Variants in MSRA observed in about 807,000 individuals in gnomAD.
MSRA encodes mitochondrial peptide methionine sulfoxide reductase.
A neutral mutation model predicts 31.3 loss-of-function variants in MSRA; 54 were observed. The observed-to-expected ratio is 1.73, with a 90% confidence interval of 1.39 to 2.17. The LOEUF is 2.17. Ranked by LOEUF, MSRA falls within the 30% of genes most tolerant of loss-of-function variation. The pLI is 0.00. For synonymous variants in MSRA, 169 were observed against 116.5 expected (o/e 1.45, Z -2.90); for missense variants, 507 against 300.9 (o/e 1.69, Z -5.07).
intron 1 of MSRA, among the ~76,000 whole-genome samples, chr8:10,152,199 A>G (rs568299587): frequency 7.2e-5 from 11 of 152,340 alleles, no homozygotes; most frequent in African/African-American, 2.2e-4. Flanking sequence ...TAGACAGAGA[A>G]CAAAACTGTC....
chr8:10,323,536 C>G (rs1802177967), intron 5 of MSRA, among the ~76,000 whole-genome samples: 1 of 152,164 alleles, frequency 6.6e-6, no homozygotes. Flanking sequence ...ATTGTAGTTT[C>G]TACCCTCAGT....
At chr8:10,161,114 C>G (rs1804603282) in intron 1 of MSRA, among the ~76,000 whole-genome samples, 1 of 152,198 alleles carries the variant, frequency 6.6e-6, no homozygotes, top group African/African-American at 2.4e-5. Flanking sequence ...TATCCACTTT[C>G]TAAATACGGT....
At chr8:10,116,368 A>T (rs1800678017) in intron 1 of MSRA, among the ~76,000 whole-genome samples, 1 of 152,344 alleles carries the variant, frequency 6.6e-6, no homozygotes, top group Non-Finnish European at 1.5e-5. Context: ...CACCCCCTGG[A>T]CTATAGTATT....
At chr8:10,058,737 A>G (rs1020675350) in intron 1 of MSRA, among the ~76,000 whole-genome samples, 1 of 152,222 alleles carries the variant, frequency 6.6e-6, no homozygotes. Context: ...ACAGCCTAGT[A>G]CCTTTTACAG....
At chr8:10,389,678 C>G (rs1563424578) in intron 5 of MSRA, among the ~76,000 whole-genome samples, 1 of 151,618 alleles carries the variant, frequency 6.6e-6, no homozygotes, top group African/African-American at 2.4e-5. Context: ...CATCCTCTCT[C>G]CAGTCCTGCC....
intron 5 of MSRA, among the ~76,000 whole-genome samples, chr8:10,322,994 G>A (rs955334253): frequency 7.3e-5 from 11 of 150,780 alleles, no homozygotes; most frequent in South Asian, 6.3e-4. Flanking sequence ...GGAGGCTGAG[G>A]CAGGAGAAAT....
rs576902283 is a variant in MSRA at position 10,184,741 on chromosome 8, A to G, written c.143-23092A>G. Among the ~76,000 whole-genome samples, 16 of 152,314 alleles carry G rather than the reference A, an allele frequency of 1.1e-4. No homozygotes were observed. In the South Asian group the frequency reaches 3.3e-3, roughly 32 times the overall value. On this transcript the variant is annotated intron_variant, in intron 1 of 5. Coordinates refer to ENST00000317173, the MANE Select transcript of MSRA (RefSeq NM_012331.5). ...GGCATGACCTAAATTTGGTGGATGA[A>G]GAGATCTAGATTCAGAAAAGTTAGT...
intron 5 of MSRA, chr8:10,353,884 CAAAA>C (rs1425467536): frequency 4.4e-6 from 1 of 224,782 alleles, no homozygotes; most frequent in Non-Finnish European, 8.9e-6. Flanking sequence ...AATATGAAGA[CAAAA>C]AGATGAAGGA....
chr8:10,320,592 C>G (rs1213038239), intron 5 of MSRA, among the ~76,000 whole-genome samples: 1 of 152,202 alleles, frequency 6.6e-6, no homozygotes, highest in Non-Finnish European at 1.5e-5. Flanking sequence ...GTCTGAAACT[C>G]TCTCTTTTTT....
chr8:10,118,033 A>T (rs1020445371), intron 1 of MSRA, among the ~76,000 whole-genome samples: 4 of 152,234 alleles, frequency 2.6e-5, no homozygotes, highest in Non-Finnish European at 5.9e-5. Context: ...CAGACACCAA[A>T]TCAAAGGTGT....
intron 5 of MSRA, among the ~76,000 whole-genome samples, chr8:10,328,027 A>ATTTTTTTTTTTTTTTTTTTTTT (rs35940076): frequency 1.5e-5 from 1 of 65,334 alleles, no homozygotes; most frequent in African/African-American, 7.1e-5. Flanking sequence ...CTCTATGGTA[A>ATTTTTTTTTTTTTTTTTTTTTT]TTTTTTTTTT....
chr8:10,403,227 C>G (rs1038833062), intron 5 of MSRA, among the ~76,000 whole-genome samples: 1 of 152,240 alleles, frequency 6.6e-6, no homozygotes, highest in African/African-American at 2.4e-5. Context: ...AACGAAACAG[C>G]TTTCAGCAGA....
At position 10,061,459 on chromosome 8, in the gene MSRA, A is replaced by T. The variant is rs578154657; in HGVS notation, c.142+6801A>T. 1.4e-4 allele frequency among the ~76,000 whole-genome samples: 22 copies of T among 152,172 alleles called. 1 individual carries two copies. The South Asian group carries it at 4.4e-3, about 30-fold the overall frequency. ...CTTCTTCTCTACTGGACAAATAGCT[A>T]TGTACTACTTTATGAATCCTTTCTA... is the stretch of plus-strand genomic sequence containing the variant. On this transcript the variant is annotated intron_variant, in intron 1 of 5. Transcript: ENST00000317173.
chr8:10,251,417 C>G (rs1041024967), intron 3 of MSRA, among the ~76,000 whole-genome samples: 1 of 152,132 alleles, frequency 6.6e-6, no homozygotes, highest in Non-Finnish European at 1.5e-5. Context: ...TTATTGTACT[C>G]ATTTCAATGT....
intron 1 of MSRA, among the ~76,000 whole-genome samples, chr8:10,179,014 C>G (rs185000352): frequency 2.0e-5 from 3 of 152,256 alleles, no homozygotes; most frequent in Non-Finnish European, 1.5e-5. Context: ...TTCTGATGCT[C>G]TGTTGATTCG....
intron 1 of MSRA, among the ~76,000 whole-genome samples, chr8:10,131,301 C>T (rs528013471): frequency 5.9e-5 from 9 of 152,266 alleles, no homozygotes; most frequent in Non-Finnish European, 4.4e-5. Flanking sequence ...AATTTCGCCA[C>T]AGAAGAAATT....
chr8:10,284,577 T>G (rs946028482), intron 3 of MSRA, among the ~76,000 whole-genome samples: 1 of 152,202 alleles, frequency 6.6e-6, no homozygotes, highest in African/African-American at 2.4e-5. Flanking sequence ...TGCCAAACAT[T>G]GGATTCATGT....
chr8:10,060,545 T>G (rs1802654415), intron 1 of MSRA, among the ~76,000 whole-genome samples: 1 of 152,220 alleles, frequency 6.6e-6, no homozygotes, highest in African/African-American at 2.4e-5. Context: ...ACTGCATTTG[T>G]GAATTACATA....
At chr8:10,400,359 C>CTGTG (rs1807378333) in intron 5 of MSRA, among the ~76,000 whole-genome samples, 2 of 16,202 alleles carry the variant, frequency 1.2e-4, no homozygotes, top group Non-Finnish European at 3.0e-4. Context: ...CCTATTCAGG[C>CTGTG]TCTGTGTGTG....
Sources: gnomAD v4.1 joint callset for allele counts (sites outside exome capture counted in the v4.1 genomes callset) on GRCh38, gnomAD v4.1.1 for gene constraint, MANE v1.5 for transcripts, NCBI Gene and HGNC (gene_info 2026-07-23, HGNC 2026-07-21) for gene names.